Variants in SNTG1 observed in about 807,000 individuals in gnomAD.
SNTG1 encodes the protein gamma-1-syntrophin.
A neutral mutation model predicts 74.7 loss-of-function variants in SNTG1; 39 were observed. The ratio of observed to expected loss-of-function variants is 0.52; its 90% CI spans 0.40 to 0.68. The LOEUF (loss-of-function observed/expected upper bound fraction) is 0.68, where lower values mean the gene tolerates loss of function less well. Among genes scored for constraint, SNTG1 ranks in the 30% least tolerant of loss-of-function variants. SNTG1 has a pLI of 0.00. For synonymous variants in SNTG1, 254 were observed against 217.1 expected, an observed-to-expected ratio of 1.17 and a Z score of -1.49; for missense variants, 685 against 609.5, an observed-to-expected ratio of 1.12 and a Z score of -1.30.
At chr8:50,595,404 G>T (rs1385091865) in intron 13 of SNTG1, among the ~76,000 whole-genome samples, 2 of 152,040 alleles carry the variant, frequency 1.3e-5, no homozygotes, top group Non-Finnish European at 2.9e-5. Context: ...CCAGGAAAAA[G>T]AGGTGTAAAT....
intron 12 of SNTG1, among the ~76,000 whole-genome samples, chr8:50,574,772 C>A (rs1211151181): frequency 6.6e-6 from 1 of 151,624 alleles, no homozygotes; most frequent in Non-Finnish European, 1.5e-5. Context: ...TTTTATTAAT[C>A]CAATGAAAGC....
chr8:50,095,350 AC>A (rs2131189693), intron 1 of SNTG1, among the ~76,000 whole-genome samples: 1 of 152,294 alleles, frequency 6.6e-6, no homozygotes, highest in East Asian at 1.9e-4. Context: ...TAGTTTAAGG[AC>A]TGAAACCTTT....
intron 8 of SNTG1, among the ~76,000 whole-genome samples, chr8:50,495,690 T>C (rs556108501): frequency 2.0e-5 from 3 of 152,262 alleles, no homozygotes; most frequent in African/African-American, 7.2e-5. Flanking sequence ...CTCAAATGCT[T>C]CTCTCTTAAG....
chr8:49,975,724 A>T (rs1812130154), intron 1 of SNTG1, among the ~76,000 whole-genome samples: 1 of 151,564 alleles, frequency 6.6e-6, no homozygotes, highest in Admixed American at 6.6e-5. Flanking sequence ...GTTTTAAAAC[A>T]ATATGACTGT....
chr8:49,939,281 C>T (rs1416052393), intron 1 of SNTG1, among the ~76,000 whole-genome samples: 1 of 152,160 alleles, frequency 6.6e-6, no homozygotes, highest in Non-Finnish European at 1.5e-5. Context: ...ATCTGTATTA[C>T]TACTAGTGAA....
intron 1 of SNTG1, among the ~76,000 whole-genome samples, chr8:50,093,704 G>A (rs1313640079): frequency 6.6e-6 from 1 of 152,058 alleles, no homozygotes; most frequent in East Asian, 1.9e-4. Context: ...TAAAGTATAG[G>A]GGCAGTTGGC....
intron 2 of SNTG1, among the ~76,000 whole-genome samples, chr8:50,265,649 G>C (rs561664130): frequency 4.4e-4 from 67 of 152,002 alleles, no homozygotes; most frequent in South Asian, 6.2e-4. Flanking sequence ...TGGAATAATA[G>C]GCATCCATAT....
rs547722075 is a variant in SNTG1 at position 50,070,930 on chromosome 8, G to T, written c.-102-101631G>T. Among the ~76,000 whole-genome samples the T allele has an allele frequency of 2.4e-3, 358 of 152,278 alleles. 18 individuals carry two copies. The South Asian group carries it at 0.073, about 31-fold the overall frequency. On this transcript the variant is annotated intron_variant, in intron 1 of 18. Transcript: ENST00000642720. ...CCCTTCTCGTCTCCTTCTTCATGGA[G>T]GGTCGGACTTGCCACAGTCATTTAG...
chr8:50,073,005 G>C (rs761629426), intron 1 of SNTG1, among the ~76,000 whole-genome samples: 15 of 152,146 alleles, frequency 9.9e-5, no homozygotes, highest in South Asian at 2.1e-4. Flanking sequence ...CTGCTGACTA[G>C]TCAGGATGGT....
chr8:50,010,465 T>G (rs1161075757), intron 1 of SNTG1, among the ~76,000 whole-genome samples: 1 of 152,144 alleles, frequency 6.6e-6, no homozygotes, highest in East Asian at 1.9e-4. Flanking sequence ...ATGTTTAGAA[T>G]GAATTAATCA....
intron 2 of SNTG1, among the ~76,000 whole-genome samples, chr8:50,309,099 G>T (rs1029539202): frequency 6.6e-6 from 1 of 152,032 alleles, no homozygotes; most frequent in Non-Finnish European, 1.5e-5. Flanking sequence ...ATTTTCTAAA[G>T]CTATTTTACA....
intron 13 of SNTG1, among the ~76,000 whole-genome samples, chr8:50,609,165 C>T (rs1414640744): frequency 1.3e-5 from 2 of 152,010 alleles, no homozygotes; most frequent in African/African-American, 4.8e-5. Flanking sequence ...ATACAAGTTA[C>T]TGCCTGGCAT....
At chr8:50,585,851 A>G (rs548483541) in intron 12 of SNTG1, among the ~76,000 whole-genome samples, 7 of 152,290 alleles carry the variant, frequency 4.6e-5, no homozygotes, top group Admixed American at 6.5e-5. Context: ...ATTAAAAAGT[A>G]AGTATTTTTC....
chr8:50,534,237 G>A (rs1009665585), intron 10 of SNTG1, among the ~76,000 whole-genome samples: 1 of 152,136 alleles, frequency 6.6e-6, no homozygotes, highest in Non-Finnish European at 1.5e-5. Context: ...TGCTGGCTGG[G>A]TGACTTGGGT....
At chr8:50,467,846 G>T (rs2093621408) in intron 8 of SNTG1, among the ~76,000 whole-genome samples, 1 of 151,584 alleles carries the variant, frequency 6.6e-6, no homozygotes, top group Admixed American at 6.6e-5. Flanking sequence ...CACTTTTATT[G>T]AGTTCAAAAT....
At chr8:50,508,637 T>C (rs1214763956) in intron 9 of SNTG1, among the ~76,000 whole-genome samples, 3 of 152,218 alleles carry the variant, frequency 2.0e-5, no homozygotes, top group African/African-American at 7.2e-5. Flanking sequence ...TGGTATCTCA[T>C]TGTGGTTTTG....
chr8:50,545,572 T>C (rs2094381417), intron 11 of SNTG1, among the ~76,000 whole-genome samples: 1 of 149,852 alleles, frequency 6.7e-6, no homozygotes, highest in African/African-American at 2.5e-5. Flanking sequence ...TGGCTGAAAG[T>C]ACTCAATAAA....
chr8:50,590,082 G>A (rs2094681997), intron 12 of SNTG1, among the ~76,000 whole-genome samples: 1 of 152,024 alleles, frequency 6.6e-6, no homozygotes, highest in Admixed American at 6.6e-5. Context: ...CTAGTCAGTA[G>A]GATAAAAGGG....
At position 50,124,072 on chromosome 8, in the gene SNTG1, A is replaced by C. The variant is rs764973266; in HGVS notation, c.-102-48489A>C. ...AATTCTTAACTTCCGGTACCTCAGA[A>C]TCTGTACTTGGAGATGGTGTCTTGG... On this transcript the variant is annotated intron_variant, in intron 1 of 18. Coordinates refer to ENST00000642720, the MANE Select transcript of SNTG1 (RefSeq NM_018967.5). Among the ~76,000 whole-genome samples the C allele has an allele frequency of 1.1e-4, 15 of 142,360 alleles. 5 individuals are homozygous for C. Among genetic ancestry groups the C allele is most frequent in the Admixed American group, 4.3e-4 (6 of 13,824 alleles). 93.4% of individuals were successfully genotyped at this position (142,360 alleles called of 152,430 possible).
Sources: allele counts gnomAD v4.1 joint callset (sites outside exome capture counted in the v4.1 genomes callset), GRCh38; gene constraint gnomAD v4.1.1; transcripts MANE v1.5; gene names NCBI Gene and HGNC (gene_info 2026-07-23, HGNC 2026-07-21).